SOCS5: variants seen among roughly 807,000 people sequenced by gnomAD.
SOCS5 encodes suppressor of cytokine signaling 5.
Under a neutral mutation model 42.8 loss-of-function variants are expected in SOCS5, and 32 were observed. The observed-to-expected ratio is 0.75, with a 90% CI of 0.56 to 1.01. The LOEUF is 1.01. Among genes scored for constraint, SOCS5 ranks in the 50% least tolerant of loss-of-function variants. The probability of loss-of-function intolerance (pLI) is 0.00; values close to 1 mark genes in which losing one functional copy is unlikely to be tolerated. For synonymous variants in SOCS5, 283 were observed against 229.6 expected, an observed-to-expected ratio of 1.23 and a Z score of -2.10; for missense variants, 627 against 653.0, an observed-to-expected ratio of 0.96 and a Z score of 0.43.
intron 1 of SOCS5, among the ~76,000 whole-genome samples, chr2:46,713,337 C>T (rs1672670227): frequency 6.6e-6 from 1 of 152,196 alleles, no homozygotes; most frequent in Non-Finnish European, 1.5e-5. Flanking sequence ...GGGTGGGTGA[C>T]AGAGTGAGTC....
At position 46,760,390 on chromosome 2, in the gene SOCS5, G is replaced by A; in HGVS notation, c.*249G>A. 2.5e-6 allele frequency: 1 copy of A among 400,208 alleles called. No homozygotes were observed. 24.8% of individuals were successfully genotyped at this position (400,208 alleles called of 1,614,324 possible). Reference sequence around the variant, plus strand: ...TTTTGCCTATTTCGCTAACAGTTTGGTTTTTAATGGCTGTGGTATTTGAGT... The same window carrying A: ...TTTTGCCTATTTCGCTAACAGTTTGATTTTTAATGGCTGTGGTATTTGAGT... On this transcript the variant is annotated 3_prime_UTR_variant, in exon 2 of 2. Coordinates refer to ENST00000394861, the MANE Select transcript of SOCS5 (RefSeq NM_144949.3).
chr2:46,758,999 G>T lies in SOCS5; in HGVS notation c.469G>T (p.Gly157Cys). 2 of 1,613,968 alleles carry T rather than the reference G, an allele frequency of 1.2e-6. No individual in the cohort carries two copies. Among genetic ancestry groups the T allele is most frequent in the Non-Finnish European group, 1.7e-6 (2 of 1,179,850 alleles). The change falls in exon 2 of 2, where the codon GGC (glycine) becomes TGC (cysteine). Residue 157 changes from glycine to cysteine, a missense_variant. By Grantham distance (159) the Gly-to-Cys change is radical. Coordinates refer to ENST00000394861, the MANE Select transcript of SOCS5 (RefSeq NM_144949.3). ...ACTTCAAAGGAGAGAGAGGCGCTAC[G>T]GCGTAAGTTCTGTACACGACATGGA... ...SGLQRRERRYGVSSVHDMDSV... is the reference protein window; with the variant it reads ...SGLQRRERRYCVSSVHDMDSV...
chr2:46,722,109 C>T (rs1029891313), intron 1 of SOCS5, among the ~76,000 whole-genome samples: 1 of 151,760 alleles, frequency 6.6e-6, no homozygotes, highest in Non-Finnish European at 1.5e-5. Context: ...CTCTTTTTTA[C>T]ATGGTGATAT....
intron 1 of SOCS5, among the ~76,000 whole-genome samples, chr2:46,745,636 A>G (rs1289898160): frequency 2.6e-5 from 4 of 152,208 alleles, no homozygotes; most frequent in Non-Finnish European, 2.9e-5. Context: ...GAAAAATCAC[A>G]GATCTTTGAG....
chr2:46,712,062 A>G (rs1672634277), intron 1 of SOCS5, among the ~76,000 whole-genome samples: 1 of 152,178 alleles, frequency 6.6e-6, no homozygotes, highest in Non-Finnish European at 1.5e-5. Context: ...TAGGTATTGT[A>G]CATTTGCACA....
chr2:46,727,069 C>T (rs1454103846), intron 1 of SOCS5, among the ~76,000 whole-genome samples: 2 of 150,778 alleles, frequency 1.3e-5, no homozygotes, highest in Admixed American at 6.6e-5. Context: ...AATTTTCATT[C>T]TGTTCTATTT....
chr2:46,714,486 C>T (rs1007623465), intron 1 of SOCS5, among the ~76,000 whole-genome samples: 2 of 152,152 alleles, frequency 1.3e-5, no homozygotes, highest in African/African-American at 4.8e-5. Context: ...ATATCTTTTT[C>T]ATCCTTTTAC....
chr2:46,759,559 A>G lies in SOCS5; in HGVS notation c.1029A>G (p.Ile343Met), dbSNP rs770221808. The G allele has an allele frequency of 1.9e-6, 3 of 1,613,876 alleles. No individual in the cohort carries two copies. The highest frequency in any genetic ancestry group is 1.3e-5 in the African/African-American group (1 of 74,932). ...CACGGAGGCAGAAGCAGCGTCAGAT[A>G]TCTGGAGACAGCCATACCCATGTTA... ...LQSRRQKQRQ[I>M]SGDSHTHVSR... The change falls in exon 2 of 2, where the codon ATA becomes ATG. Residue 343 changes from isoleucine to methionine, a missense_variant. Ile to Met is a conservative substitution (Grantham distance 10). Transcript: ENST00000394861.
intron 1 of SOCS5, among the ~76,000 whole-genome samples, chr2:46,716,367 A>ATTTTTTTTTTTTTTTTTTTTTTTTTTTT (rs35187667): frequency 1.2e-4 from 2 of 17,014 alleles, no homozygotes; most frequent in African/African-American, 1.8e-4. Context: ...GAGTGTCTTC[A>ATTTTTTTTTTTTTTTTTTTTTTTTTTTT]TTTTTTTTTT....
intron 1 of SOCS5, among the ~76,000 whole-genome samples, chr2:46,742,674 CT>C (rs1284234745): frequency 6.6e-6 from 1 of 150,860 alleles, no homozygotes; most frequent in African/African-American, 2.4e-5. Flanking sequence ...TTTACTACTT[CT>C]TTTTTTTTGA....
rs527392864 is a variant in SOCS5, at chr2:46,717,525, G to A, written c.-13+18076G>A. 1.4e-4 allele frequency among the ~76,000 whole-genome samples: 22 copies of A among 151,800 alleles called. No individual in the cohort carries two copies. In the South Asian group the frequency reaches 3.3e-3, roughly 23 times the overall value. ...GCCAGATAAACAATTTCGGGTTAAC[G>A]GTTTTTTTTTCTTTCAACATTTTAA... On this transcript the variant is annotated intron_variant, in intron 1 of 1. Transcript: ENST00000394861.
In SOCS5 at chr2:46,741,122, C is replaced by G. The variant is rs76706801; in HGVS notation, c.-12-17397C>G. On this transcript the variant is annotated intron_variant, in intron 1 of 1. Transcript: ENST00000394861. The stretch of plus-strand genomic sequence containing the variant: ...TATTTGTGTCTCTTCCCTTCCTCAC[C>G]GTTGCTTCATCTTTAAAAAGTTTTT... 3.3e-5 allele frequency among the ~76,000 whole-genome samples: 5 copies of G among 152,200 alleles called. No homozygotes were observed. In the East Asian group the frequency reaches 9.7e-4, roughly 29 times the overall value.
At chr2:46,723,654 T>C (rs1310206526) in intron 1 of SOCS5, among the ~76,000 whole-genome samples, 1 of 152,100 alleles carries the variant, frequency 6.6e-6, no homozygotes, top group Non-Finnish European at 1.5e-5. Flanking sequence ...TTCCCTATAT[T>C]ACAGAATGTT....
At chr2:46,730,010 T>C (rs1673081033) in intron 1 of SOCS5, among the ~76,000 whole-genome samples, 1 of 152,218 alleles carries the variant, frequency 6.6e-6, no homozygotes, top group Non-Finnish European at 1.5e-5. Flanking sequence ...ACACACACAT[T>C]GTCCTGAGCA....
chr2:46,741,282 C>T (rs1673368330), intron 1 of SOCS5, among the ~76,000 whole-genome samples: 1 of 152,292 alleles, frequency 6.6e-6, no homozygotes, highest in South Asian at 2.1e-4. Context: ...CTCTACCACT[C>T]AGGCTGGAGT....
chr2:46,730,919 C>G (rs760554366), intron 1 of SOCS5, among the ~76,000 whole-genome samples: 2 of 152,130 alleles, frequency 1.3e-5, no homozygotes, highest in African/African-American at 2.4e-5. Context: ...TGTTTAAGTC[C>G]GAGCTCTCCT....
chr2:46,750,219 T>G (rs953584530), intron 1 of SOCS5, among the ~76,000 whole-genome samples: 1 of 152,204 alleles, frequency 6.6e-6, no homozygotes, highest in Non-Finnish European at 1.5e-5. Context: ...AAGCAAAGCA[T>G]AGGCAGTATC....
chr2:46,711,002 A>T (rs555355856), intron 1 of SOCS5, among the ~76,000 whole-genome samples: 1 of 152,242 alleles, frequency 6.6e-6, no homozygotes, highest in African/African-American at 2.4e-5. Flanking sequence ...TCCATGTTAC[A>T]TATAAGAATT....
Position 46,759,211 on chromosome 2 carries a change from C to T in SOCS5, c.681C>T (p.Ala227=). Residue 227 remains alanine (A), a synonymous_variant, in exon 2 of 2, where the codon GCC becomes GCT. Coordinates refer to ENST00000394861, the MANE Select transcript of SOCS5 (RefSeq NM_144949.3). The part of the protein sequence containing the change: ...KCPFPAGSDL[A]QKWHLIKQHT... The stretch of plus-strand genomic sequence containing the variant: ...CTTTTCCTGCTGGCTCAGATTTAGC[C>T]CAAAAATGGCATTTGATTAAACAGC... The T allele has an allele frequency of 6.2e-7, 1 of 1,613,756 alleles. No homozygotes were observed.
Sources: gnomAD v4.1 joint callset for allele counts (sites outside exome capture counted in the v4.1 genomes callset) on GRCh38, gnomAD v4.1.1 for gene constraint, MANE v1.5 for transcripts, NCBI Gene and HGNC (gene_info 2026-07-23, HGNC 2026-07-21) for gene names.